The following SLC22A2 variants were observed in gnomAD, a reference collection of about 807,000 sequenced individuals.
The protein encoded by SLC22A2 is organic cation transporter 2.
Under a neutral mutation model 60.5 loss-of-function variants are expected in SLC22A2, and 46 were observed. The observed-to-expected ratio is 0.76, with a 90% confidence interval of 0.60 to 0.97. The LOEUF (loss-of-function observed/expected upper bound fraction) is 0.97, where lower values mean the gene tolerates loss of function less well. SLC22A2 is among the 50% of genes least tolerant of loss of function. The probability of loss-of-function intolerance (pLI) is 0.00; values close to 1 mark genes in which losing one functional copy is unlikely to be tolerated. For missense variants in SLC22A2, 701 were observed against 706.6 expected, an observed-to-expected ratio of 0.99 and a Z score of 0.09; for synonymous variants, 303 against 267.0, an observed-to-expected ratio of 1.13 and a Z score of -1.31.
chr6:160,223,549 T>C (rs1394951783), intron 10 of SLC22A2, among the ~76,000 whole-genome samples: 2 of 152,234 alleles, frequency 1.3e-5, no homozygotes, highest in African/African-American at 4.8e-5. Context: ...TTTTACAGAA[T>C]GGCATATCAT....
chr6:160,258,156 A>C (rs1783305651), intron 1 of SLC22A2, among the ~76,000 whole-genome samples, 188 bp downstream of exon 1: 1 of 152,220 alleles, frequency 6.6e-6, no homozygotes, highest in Admixed American at 6.5e-5. Context: ...CGTTTTAACT[A>C]ATCCAGTTAT....
intron 2 of SLC22A2, among the ~76,000 whole-genome samples, chr6:160,253,535 G>A (rs746058422): frequency 2.0e-5 from 3 of 152,148 alleles, no homozygotes; most frequent in Non-Finnish European, 4.4e-5. Flanking sequence ...CGCCTCCAGA[G>A]TCAAGTCCCT....
rs545112165 is a variant in SLC22A2 at position 160,243,446 on chromosome 6, T to C, written c.1279+126A>G. On this transcript the variant is annotated intron_variant, in intron 7 of 10. Transcript: ENST00000366953. Reference sequence around the variant, plus strand: ...ATTTGCTCAGAAGGGTCCCAGATACTGCCCTCCAATTTGTCTTTCCAAATT... The same window carrying C: ...ATTTGCTCAGAAGGGTCCCAGATACCGCCCTCCAATTTGTCTTTCCAAATT... The C allele has an allele frequency of 5.0e-4, 376 of 756,846 alleles. 1 individual carries two copies. The South Asian group carries it at 5.9e-3, about 12-fold the overall frequency. 46.9% of individuals were successfully genotyped at this position (756,846 alleles called of 1,614,324 possible).
At chr6:160,231,970 G>C (rs1051929761) in intron 9 of SLC22A2, among the ~76,000 whole-genome samples, 7 of 151,880 alleles carry the variant, frequency 4.6e-5, no homozygotes, top group Non-Finnish European at 7.4e-5. Context: ...TTTTAGCCTA[G>C]CCCTCATGTC....
At chr6:160,245,287 C>T in intron 6 of SLC22A2, 152 bp downstream of exon 6, 2 of 504,372 alleles carry the variant, frequency 4.0e-6, no homozygotes, top group South Asian at 3.4e-5. Context: ...CCAAGAAAAA[C>T]ACGATCAGGA....
intron 9 of SLC22A2, among the ~76,000 whole-genome samples, chr6:160,240,765 G>T (rs1418171571): frequency 6.6e-6 from 1 of 152,056 alleles, no homozygotes; most frequent in African/African-American, 2.4e-5. Context: ...ATGGGAAAAA[G>T]CATCACATAT....
chr6:160,237,439 T>C (rs376310295), intron 9 of SLC22A2, among the ~76,000 whole-genome samples: 1 of 151,506 alleles, frequency 6.6e-6, no homozygotes, highest in African/African-American at 2.5e-5. Context: ...TAAACTCTTA[T>C]TAATCTTTCA....
chr6:160,218,506 A>G (rs1376228767), intron 10 of SLC22A2, among the ~76,000 whole-genome samples: 2 of 152,298 alleles, frequency 1.3e-5, no homozygotes, highest in African/African-American at 4.8e-5. Context: ...CAGCAGCAAC[A>G]ATAGTAATAG....
At chr6:160,253,526 G>A (rs1039377353) in intron 2 of SLC22A2, among the ~76,000 whole-genome samples, 6 of 152,112 alleles carry the variant, frequency 3.9e-5, no homozygotes, top group African/African-American at 1.4e-4. Context: ...TCCAAGCCCC[G>A]CCTCCAGAGT....
chr6:160,236,949 AT>A (rs1327607694), intron 9 of SLC22A2, among the ~76,000 whole-genome samples: 3 of 152,234 alleles, frequency 2.0e-5, no homozygotes, highest in Non-Finnish European at 4.4e-5. Context: ...AAAAATAATT[AT>A]TTTTGCTGCA....
chr6:160,227,295 C>T (rs959897074), intron 9 of SLC22A2, among the ~76,000 whole-genome samples: 1 of 152,210 alleles, frequency 6.6e-6, no homozygotes, highest in African/African-American at 2.4e-5. Context: ...GTTTCCATAA[C>T]CACTTATCTT....
intron 10 of SLC22A2, among the ~76,000 whole-genome samples, chr6:160,220,471 G>A (rs548576725): frequency 5.3e-5 from 8 of 152,240 alleles, no homozygotes; most frequent in African/African-American, 1.9e-4. Context: ...TCCCATTAAC[G>A]TTCATATTTT....
chr6:160,243,263 A>G (rs904903206), intron 7 of SLC22A2, among the ~76,000 whole-genome samples: 11 of 152,154 alleles, frequency 7.2e-5, no homozygotes, highest in Non-Finnish European at 7.4e-5. Flanking sequence ...GAAGGGCTGG[A>G]GTAAGACCTT....
rs975661717 is a variant in SLC22A2 at position 160,223,985 on chromosome 6, A to C, written c.1601+720T>G. 3.3e-5 allele frequency among the ~76,000 whole-genome samples: 5 copies of C among 152,126 alleles called. No homozygotes were observed. The East Asian group carries it at 5.8e-4, about 18-fold the overall frequency. ...GACCTTGTGATCCACCCGCCTCAGC[A>C]TCCCAAAGTGCTGGGATTAGAAGCA... On this transcript the variant is annotated intron_variant, in intron 10 of 10. Coordinates refer to ENST00000366953, the MANE Select transcript of SLC22A2 (RefSeq NM_003058.4).
At chr6:160,254,261 G>C (rs1021900147) in intron 2 of SLC22A2, among the ~76,000 whole-genome samples, 5 of 152,124 alleles carry the variant, frequency 3.3e-5, no homozygotes, top group African/African-American at 1.2e-4. Flanking sequence ...CTGGGCGATA[G>C]AGTGAGACTC....
At chr6:160,219,877 T>G (rs1421100512) in intron 10 of SLC22A2, among the ~76,000 whole-genome samples, 1 of 152,246 alleles carries the variant, frequency 6.6e-6, no homozygotes, top group African/African-American at 2.4e-5. Context: ...ATACTTTATT[T>G]TTTAAAAATG....
intron 9 of SLC22A2, among the ~76,000 whole-genome samples, chr6:160,229,216 C>A (rs1422868178): frequency 2.6e-5 from 4 of 151,934 alleles, no homozygotes; most frequent in Non-Finnish European, 4.4e-5. Flanking sequence ...CCTCTCTTCA[C>A]TCTCTTCTCC....
chr6:160,258,720 C>A lies in SLC22A2; in HGVS notation c.38G>T (p.Gly13Val), dbSNP rs760038413. 3 of 1,586,536 alleles carry A rather than the reference C, an allele frequency of 1.9e-6. No homozygotes were observed. In the East Asian group the frequency reaches 6.7e-5, roughly 35 times the overall value. Residue 13 changes from glycine to valine, a missense_variant, in exon 1 of 11, where the codon GGG (glycine) becomes GTG (valine). Coordinates refer to ENST00000366953, the MANE Select transcript of SLC22A2 (RefSeq NM_003058.4). Reference sequence around the variant, plus strand: ...TTGCTTCTGGAAAAAGTGAAACTCCCCTCCATGCTCCAGGACATCGTCCAC... The same window carrying A: ...TTGCTTCTGGAAAAAGTGAAACTCCACTCCATGCTCCAGGACATCGTCCAC... Reference protein sequence around the residue: ...TTVDDVLEHGGEFHFFQKQMF... With the variant: ...TTVDDVLEHGVEFHFFQKQMF...
chr6:160,221,011 A>T (rs1169344106), intron 10 of SLC22A2, among the ~76,000 whole-genome samples: 1 of 152,234 alleles, frequency 6.6e-6, no homozygotes, highest in African/African-American at 2.4e-5. Flanking sequence ...CAAGAGAGTC[A>T]ACCTGTCCTT....
Sources: allele counts gnomAD v4.1 joint callset (sites outside exome capture counted in the v4.1 genomes callset), GRCh38; gene constraint gnomAD v4.1.1; transcripts MANE v1.5; gene names NCBI Gene and HGNC (gene_info 2026-07-23, HGNC 2026-07-21).